XKR9: variants seen among roughly 807,000 people sequenced by gnomAD.
The protein encoded by XKR9 is XK related 9, also known as XK-related protein 9.
XKR9 carries 32 observed loss-of-function variants against 32.0 expected under a neutral mutation model. That is an observed-to-expected ratio of 1.00 (90% CI 0.76 to 1.34). The LOEUF is 1.34. Ranked by LOEUF, XKR9 falls within the 40% of genes most tolerant of loss-of-function variation. The pLI is 0.00. For synonymous variants in XKR9, 168 were observed against 143.4 expected, an observed-to-expected ratio of 1.17 and a Z score of -1.22; for missense variants, 546 against 429.7, an observed-to-expected ratio of 1.27 and a Z score of -2.39.
chr8:70,902,565 G>A, the XKR9 span, among the ~76,000 whole-genome samples: 1 of 152,098 alleles, frequency 6.6e-6, no homozygotes, highest in Non-Finnish European at 1.5e-5. Flanking sequence ...TGAGTTGATG[G>A]GGTTTTGTAA....
the XKR9 span, among the ~76,000 whole-genome samples, chr8:70,995,647 C>A: frequency 6.6e-6 from 1 of 152,124 alleles, no homozygotes; most frequent in African/African-American, 2.4e-5. Flanking sequence ...CAGCCAAACT[C>A]TTTGTTCTTT....
At chr8:70,698,328 A>G (rs1805371735) in intron 3 of XKR9, among the ~76,000 whole-genome samples, 2 of 152,274 alleles carry the variant, frequency 1.3e-5, no homozygotes, top group South Asian at 4.1e-4. Context: ...ATTTAGTGCT[A>G]TAAATTTCCC....
chr8:70,887,756 A>G, the XKR9 span, among the ~76,000 whole-genome samples: 3 of 151,906 alleles, frequency 2.0e-5, no homozygotes, highest in Non-Finnish European at 4.4e-5. Flanking sequence ...AATGCTTTTG[A>G]TTTTTGCACA....
the XKR9 span, among the ~76,000 whole-genome samples, chr8:70,890,843 A>G: frequency 2.6e-5 from 4 of 151,958 alleles, no homozygotes; most frequent in African/African-American, 7.2e-5. Flanking sequence ...CTCCTCTTCA[A>G]TTTTCTGGAA....
At chr8:70,756,320 AT>A (rs1041628639) in intron 2 of XKR9, among the ~76,000 whole-genome samples, 3 of 152,130 alleles carry the variant, frequency 2.0e-5, no homozygotes, top group African/African-American at 7.2e-5. Flanking sequence ...TTTATTATTC[AT>A]TTTCAGCATT....
chr8:71,004,985 A>G, the XKR9 span, among the ~76,000 whole-genome samples: 1 of 137,070 alleles, frequency 7.3e-6, no homozygotes, highest in African/African-American at 2.7e-5. Context: ...TTGTGCCACC[A>G]TGTTAATCTA....
the XKR9 span, among the ~76,000 whole-genome samples, chr8:71,064,670 T>C: frequency 6.6e-6 from 1 of 152,200 alleles, no homozygotes; most frequent in Non-Finnish European, 1.5e-5. Context: ...TTTTAAGGAC[T>C]TGATGGCTTA....
At chr8:71,027,284 C>T in the XKR9 span, among the ~76,000 whole-genome samples, 2 of 150,420 alleles carry the variant, frequency 1.3e-5, no homozygotes, top group East Asian at 1.9e-4. Flanking sequence ...TTTTCTTATT[C>T]CAGAAGAGAG....
chr8:70,856,157 G>A, the XKR9 span, among the ~76,000 whole-genome samples: 2 of 152,158 alleles, frequency 1.3e-5, no homozygotes. Flanking sequence ...TGGGCGAAAT[G>A]CTCCAATTAA....
the XKR9 span, among the ~76,000 whole-genome samples, chr8:70,893,939 G>A: frequency 2.0e-5 from 3 of 151,958 alleles, no homozygotes; most frequent in Non-Finnish European, 2.9e-5. Flanking sequence ...TGGCAGGGTT[G>A]AATATAGATT....
At chr8:70,702,478 G>C (rs895843425) in intron 3 of XKR9, among the ~76,000 whole-genome samples, 15 of 152,110 alleles carry the variant, frequency 9.9e-5, no homozygotes, top group African/African-American at 3.4e-4. Context: ...TGTCCTTATT[G>C]ATATTTTTAA....
intron 4 of XKR9, among the ~76,000 whole-genome samples, chr8:70,720,897 C>G (rs1806256655): frequency 6.6e-6 from 1 of 152,162 alleles, no homozygotes; most frequent in African/African-American, 2.4e-5. Flanking sequence ...CTTTGTACCT[C>G]TGGTAGAATT....
the XKR9 span, among the ~76,000 whole-genome samples, chr8:70,816,092 C>T: frequency 3.9e-5 from 6 of 152,150 alleles, no homozygotes; most frequent in East Asian, 9.7e-4. Flanking sequence ...TGCACTCCAG[C>T]CTGGGCGACA....
chr8:70,835,087 G>GGT, the XKR9 span, among the ~76,000 whole-genome samples: 1 of 152,030 alleles, frequency 6.6e-6, no homozygotes, highest in Non-Finnish European at 1.5e-5. Flanking sequence ...GGCATTTAAG[G>GGT]GTATTACATC....
At chr8:70,939,177 A>G in the XKR9 span, among the ~76,000 whole-genome samples, 458 of 152,214 alleles carry the variant, frequency 3.0e-3, 6 homozygotes, top group Non-Finnish European at 3.8e-3. Context: ...CTCATGAAAG[A>G]TTAATCACTT....
chr8:70,751,220 T>A (rs1244877317), intron 2 of XKR9, among the ~76,000 whole-genome samples: 1 of 152,146 alleles, frequency 6.6e-6, no homozygotes, highest in Non-Finnish European at 1.5e-5. Flanking sequence ...CTCCGCCTCC[T>A]GGGGGTTTAA....
downstream of XKR9, among the ~76,000 whole-genome samples, chr8:70,738,540 T>C (rs925405114): frequency 1.1e-4 from 16 of 150,912 alleles, no homozygotes; most frequent in Non-Finnish European, 1.6e-4. Context: ...CTTGCTTTTC[T>C]AGTTCTTTTA....
the XKR9 span, among the ~76,000 whole-genome samples, chr8:71,011,677 G>T: frequency 6.6e-6 from 1 of 151,932 alleles, no homozygotes; most frequent in Non-Finnish European, 1.5e-5. Context: ...TTTTCTTTTT[G>T]TCTTTAGCTG....
the XKR9 span, among the ~76,000 whole-genome samples, chr8:70,908,064 T>C: frequency 2.0e-5 from 3 of 152,196 alleles, no homozygotes; most frequent in African/African-American, 7.2e-5. Flanking sequence ...GTTAAATCTA[T>C]ATTTTTTGTA....
Sources: gnomAD v4.1 joint callset for allele counts (sites outside exome capture counted in the v4.1 genomes callset) on GRCh38, gnomAD v4.1.1 for gene constraint, MANE v1.5 for transcripts, NCBI Gene and HGNC (gene_info 2026-07-23, HGNC 2026-07-21) for gene names.